The following GRAMD1C variants were observed in gnomAD, a reference collection of about 807,000 sequenced individuals.
GRAMD1C encodes the protein GRAM domain containing 1C.
Under a neutral mutation model 97.8 loss-of-function variants are expected in GRAMD1C, and 89 were observed. That is an observed-to-expected ratio of 0.91 (90% CI 0.77 to 1.09). The LOEUF (loss-of-function observed/expected upper bound fraction) is 1.09, where lower values mean the gene tolerates loss of function less well. Among genes scored for constraint, GRAMD1C ranks in the 50% least tolerant of loss-of-function variants. GRAMD1C has a pLI of 0.00. For synonymous variants in GRAMD1C, 256 were observed against 267.0 expected (o/e 0.96, Z 0.40); for missense variants, 740 against 766.4 (o/e 0.97, Z 0.41).
At chr3:113,914,348 C>G (rs1375083633) in intron 9 of GRAMD1C, among the ~76,000 whole-genome samples, 2 of 152,156 alleles carry the variant, frequency 1.3e-5, no homozygotes, top group African/African-American at 4.8e-5. Flanking sequence ...TCCATAAGTC[C>G]TTTATGCCTC....
rs146289530 is a variant in GRAMD1C at position 113,906,401 on chromosome 3, C to T, written c.789+2129C>T. On this transcript the variant is annotated intron_variant, in intron 8 of 17. Transcript: ENST00000358160. ...ATTCATGATCCTGATCCTGTGTAGG[C>T]CTAGGCTAACGTGTGTGTTTGTGTC... Among the ~76,000 whole-genome samples the T allele has an allele frequency of 3.3e-5, 5 of 151,868 alleles. No homozygotes were observed. The East Asian group carries it at 9.7e-4, about 29-fold the overall frequency.
chr3:113,865,846 G>T (rs930911438), intron 2 of GRAMD1C, among the ~76,000 whole-genome samples: 1 of 152,032 alleles, frequency 6.6e-6, no homozygotes, highest in Non-Finnish European at 1.5e-5. Context: ...AAGCAATCTG[G>T]AATTGTCCTT....
intron 2 of GRAMD1C, among the ~76,000 whole-genome samples, chr3:113,860,629 A>G (rs1934329627): frequency 6.6e-6 from 1 of 152,186 alleles, no homozygotes; most frequent in African/African-American, 2.4e-5. Context: ...TTTGAGGATT[A>G]CTACAAAGCT....
At chr3:113,909,676 A>C (rs1378539701) in intron 9 of GRAMD1C, among the ~76,000 whole-genome samples, 1 of 152,238 alleles carries the variant, frequency 6.6e-6, no homozygotes, top group Non-Finnish European at 1.5e-5. Flanking sequence ...ATAATTATGA[A>C]AGCAAGTAGT....
intron 17 of GRAMD1C, among the ~76,000 whole-genome samples, chr3:113,943,002 G>A (rs1225674013): frequency 3.3e-5 from 5 of 152,108 alleles, no homozygotes; most frequent in African/African-American, 9.7e-5. Flanking sequence ...CATTACTGTT[G>A]TCTCCTTTTC....
upstream of GRAMD1C, among the ~76,000 whole-genome samples, chr3:113,837,084 C>T (rs1709643440): frequency 6.6e-6 from 1 of 151,896 alleles, no homozygotes; most frequent in South Asian, 2.1e-4. Flanking sequence ...TCCCTCCCTT[C>T]CTTCCTTCTT....
At chr3:113,908,805 A>C (rs1936458996) in intron 8 of GRAMD1C, among the ~76,000 whole-genome samples, 153 bp from the exon 9 acceptor site, 1 of 152,220 alleles carries the variant, frequency 6.6e-6, no homozygotes, top group Non-Finnish European at 1.5e-5. Flanking sequence ...GACATTTAAT[A>C]GCATGGGAAA....
At chr3:113,907,209 C>T (rs181772505) in intron 8 of GRAMD1C, among the ~76,000 whole-genome samples, 1 of 152,238 alleles carries the variant, frequency 6.6e-6, no homozygotes, top group East Asian at 1.9e-4. Context: ...GATCCTTTTC[C>T]ACCCTCCCCC....
At chr3:113,930,586 C>A (rs539485402) in intron 10 of GRAMD1C, 128 bp from the exon 11 acceptor site, 37 of 542,738 alleles carry the variant, frequency 6.8e-5, no homozygotes, top group African/African-American at 5.4e-4. Flanking sequence ...CTTATAATAC[C>A]CAGTTATAAG....
In GRAMD1C at chr3:113,829,435, C is replaced by T. The variant is rs116298606; in HGVS notation, n.98+1156C>T. On this transcript the variant is annotated intron_variant and non_coding_transcript_variant, in intron 1 of 18. Coordinates refer to the GRAMD1C transcript ENST00000479212. ...CTTTAGCTTGGGTAATAGAGAGAGA[C>T]CCTGTCTCAAGAAACCCTCCAAAAC... 3.1e-3 allele frequency among the ~76,000 whole-genome samples: 475 copies of T among 152,194 alleles called. 3 individuals carry two copies. The highest frequency in any genetic ancestry group is 0.011 in the African/African-American group (452 of 41,526).
In GRAMD1C at chr3:113,884,703, G is replaced by A. The variant is rs368780796; in HGVS notation, c.540+1871G>A. ...AAATACAAAAAATTAGCTGGGCGTG[G>A]TGGCGGGCACCTGTAGTCCCAGCTA... On this transcript the variant is annotated intron_variant, in intron 6 of 17. Coordinates refer to ENST00000358160, the MANE Select transcript of GRAMD1C (RefSeq NM_017577.5). 2.1e-3 allele frequency among the ~76,000 whole-genome samples: 322 copies of A among 152,074 alleles called. 13 individuals are homozygous for A. The South Asian group carries it at 0.063, about 30-fold the overall frequency.
upstream of GRAMD1C, among the ~76,000 whole-genome samples, chr3:113,833,827 C>T (rs539876062): frequency 6.6e-6 from 1 of 152,162 alleles, no homozygotes; most frequent in South Asian, 2.1e-4. Context: ...TCTGACAGCT[C>T]TTGCCACCTT....
chr3:113,850,256 C>T (rs540511454), intron 2 of GRAMD1C: 7 of 642,148 alleles, frequency 1.1e-5, no homozygotes, highest in Admixed American at 5.6e-5. Context: ...TGGCTGACCA[C>T]GTCCACGACC....
At position 113,882,813 on chromosome 3, in the gene GRAMD1C, A is replaced by C. The variant is rs1243203342; in HGVS notation, c.521A>C (p.Gln174Pro). 6.4e-7 allele frequency: 1 copy of C among 1,570,778 alleles called. No homozygotes were observed. Among genetic ancestry groups the C allele is most frequent in the African/African-American group, 1.3e-5 (1 of 74,126 alleles). ...TACCTCAGTATCTTTAGGTTGTGGC[A>C]GAATGTATTATTAGATAAGGTAAGT... ...RSYLSIFRLWQNVLLDKSLTR... is the reference protein window; with the variant it reads ...RSYLSIFRLWPNVLLDKSLTR... The change falls in exon 6 of 18, where the codon CAG (glutamine) becomes CCG (proline). Residue 174 changes from glutamine (Q) to proline (P), a missense_variant. By Grantham distance (76) the Gln-to-Pro change is moderately conservative (BLOSUM62 -1). Transcript: ENST00000358160.
chr3:113,901,342 T>A (rs542443721), intron 7 of GRAMD1C, among the ~76,000 whole-genome samples, 196 bp downstream of exon 7: 1 of 152,306 alleles, frequency 6.6e-6, no homozygotes, highest in African/African-American at 2.4e-5. Context: ...ATGAGATATA[T>A]AAGGAAATGT....
At chr3:113,928,957 C>G (rs1937320359) in intron 10 of GRAMD1C, among the ~76,000 whole-genome samples, 1 of 127,480 alleles carries the variant, frequency 7.8e-6, no homozygotes, top group African/African-American at 2.8e-5. Context: ...CTGTTCAGGT[C>G]CCTGCTTCCA....
intron 8 of GRAMD1C, among the ~76,000 whole-genome samples, chr3:113,908,218 G>T (rs969045255): frequency 3.3e-5 from 5 of 152,028 alleles, no homozygotes; most frequent in South Asian, 2.1e-4. Flanking sequence ...TAGACTTTTT[G>T]TACTATTCCA....
At chr3:113,938,470 G>A (rs530725612) in intron 15 of GRAMD1C, 6 of 188,536 alleles carry the variant, frequency 3.2e-5, no homozygotes, top group Non-Finnish European at 6.5e-5. Flanking sequence ...ACATGCTGGG[G>A]AAGTGCCAAT....
chr3:113,833,113 TTTCTTTC>T (rs970549093), intron 1 of GRAMD1C, among the ~76,000 whole-genome samples: 3 of 136,100 alleles, frequency 2.2e-5, no homozygotes, highest in Admixed American at 8.0e-5. Flanking sequence ...TCTTTCTTTC[TTTCTTTC>T]TTTTTTTTTT....
Sources: allele counts gnomAD v4.1 joint callset (sites outside exome capture counted in the v4.1 genomes callset), GRCh38; gene constraint gnomAD v4.1.1; transcripts MANE v1.5; gene names NCBI Gene and HGNC (gene_info 2026-07-23, HGNC 2026-07-21).